The following PDE4D variants were observed in gnomAD, a reference collection of about 807,000 sequenced individuals.
PDE4D encodes 3',5'-cyclic-AMP phosphodiesterase 4D.
In PDE4D, 24 loss-of-function variants were observed where a neutral mutation model predicts 87.4. The observed-to-expected ratio is 0.27, with a 90% CI of 0.20 to 0.39. The LOEUF (loss-of-function observed/expected upper bound fraction) is 0.39. Ranked by LOEUF, PDE4D falls within the 10% of genes least tolerant of loss-of-function variation. The pLI, the probability that PDE4D is intolerant of heterozygous loss-of-function variation, is 1.00. For missense variants in PDE4D, 714 were observed against 1,041.0 expected (o/e 0.69, Z 4.32); for synonymous variants, 384 against 383.2 (o/e 1.00, Z -0.02).
intron 1 of PDE4D, among the ~76,000 whole-genome samples, chr5:59,581,792 G>C (rs1443607344): frequency 6.6e-6 from 1 of 151,840 alleles, no homozygotes; most frequent in Admixed American, 6.6e-5. Flanking sequence ...AAAAATTAAG[G>C]GGCATACAGC....
At chr5:59,215,666 A>C in intron 2 of PDE4D, 111 bp downstream of exon 2, 2 of 871,908 alleles carry the variant, frequency 2.3e-6, no homozygotes, top group Admixed American at 4.3e-5. Context: ...TATTCTTTCT[A>C]CATTGGAGGA....
At chr5:60,311,701 A>C (rs1755055589) in intron 1 of PDE4D, among the ~76,000 whole-genome samples, 1 of 152,186 alleles carries the variant, frequency 6.6e-6, no homozygotes, top group East Asian at 1.9e-4. Context: ...GACAGAATCA[A>C]CTCCACACAT....
chr5:59,067,827 A>AC (rs1561424365), intron 5 of PDE4D, among the ~76,000 whole-genome samples: 1 of 152,196 alleles, frequency 6.6e-6, no homozygotes, highest in African/African-American at 2.4e-5. Context: ...TTAAAAGAAA[A>AC]CAAAAAAGAA....
intron 1 of PDE4D, among the ~76,000 whole-genome samples, chr5:59,536,723 G>A (rs970078916): frequency 6.6e-6 from 1 of 151,884 alleles, no homozygotes; most frequent in Admixed American, 6.6e-5. Flanking sequence ...CTTTTGAAAA[G>A]ACTCTTTTTT....
At chr5:59,075,401 AT>A (rs949310836) in intron 5 of PDE4D, among the ~76,000 whole-genome samples, 1 of 152,042 alleles carries the variant, frequency 6.6e-6, no homozygotes, top group African/African-American at 2.4e-5. Context: ...TATCCTCCCA[AT>A]TGGAGATTCC....
In PDE4D at chr5:58,972,088, T is replaced by TA. The variant is rs1332030580; in HGVS notation, c.*2575_*2576insT. The TA allele has an allele frequency of 6.6e-6, 1 of 152,598 alleles. No homozygotes were observed. The highest frequency in any genetic ancestry group is 1.5e-5 in the Non-Finnish European group (1 of 68,030). The allele number at this position is 152,598 out of a possible 1,614,324, so 9.5% of individuals were successfully genotyped here. On this transcript the variant is annotated 3_prime_UTR_variant, in exon 15 of 15. Transcript: ENST00000340635. ...CAGGTCTGGATTTGTTAATGACATA[T>TA]TGCTGCTTTTTATTTTATTCATTAT...
intron 5 of PDE4D, chr5:59,039,460 T>C: frequency 9.1e-6 from 9 of 991,554 alleles, no homozygotes; most frequent in Non-Finnish European, 1.1e-5. Context: ...CCGAGCCTTC[T>C]GCACGGCACT....
intron 1 of PDE4D, among the ~76,000 whole-genome samples, chr5:60,278,351 T>G (rs1751573007): frequency 6.6e-6 from 1 of 152,144 alleles, no homozygotes; most frequent in African/African-American, 2.4e-5. Context: ...CTTTGTGTCT[T>G]TCATTTTTGA....
At chr5:59,967,923 A>G (rs1282028712) in intron 3 of PDE4D, among the ~76,000 whole-genome samples, 1 of 151,032 alleles carries the variant, frequency 6.6e-6, no homozygotes, top group East Asian at 2.0e-4. Flanking sequence ...ACCCCAAAAC[A>G]GAATAAAATC....
intron 1 of PDE4D, among the ~76,000 whole-genome samples, chr5:59,350,576 T>C (rs761328066): frequency 2.0e-5 from 3 of 152,176 alleles, no homozygotes; most frequent in Non-Finnish European, 2.9e-5. Context: ...GGTTCATTCA[T>C]TCAATACACA....
chr5:59,168,341 C>G (rs919832165), intron 5 of PDE4D, among the ~76,000 whole-genome samples: 3 of 152,182 alleles, frequency 2.0e-5, no homozygotes, highest in Admixed American at 2.0e-4. Flanking sequence ...AACGCTGAAG[C>G]ACTGCGTTAC....
chr5:59,266,638 C>T (rs998332275), intron 1 of PDE4D, among the ~76,000 whole-genome samples: 12 of 151,804 alleles, frequency 7.9e-5, no homozygotes, highest in Admixed American at 2.6e-4. Context: ...CTAGGGCTCA[C>T]GGTTGGAGGC....
chr5:59,514,684 A>C (rs905736459), intron 1 of PDE4D, among the ~76,000 whole-genome samples: 11 of 152,174 alleles, frequency 7.2e-5, no homozygotes, highest in African/African-American at 2.7e-4. Flanking sequence ...ACAGACAAAA[A>C]CCAACGAATT....
At chr5:59,222,895 C>A (rs1484956210) in intron 1 of PDE4D, among the ~76,000 whole-genome samples, 4 of 152,152 alleles carry the variant, frequency 2.6e-5, no homozygotes, top group Non-Finnish European at 4.4e-5. Context: ...CACCACATTG[C>A]CTGGCAGCTA....
intron 1 of PDE4D, among the ~76,000 whole-genome samples, chr5:59,876,310 T>C (rs1748600727): frequency 6.6e-6 from 1 of 152,158 alleles, no homozygotes; most frequent in Admixed American, 6.5e-5. Context: ...ATAATGATGA[T>C]GATAGTGATG....
chr5:60,454,787 T>G (rs1217570508), intron 1 of PDE4D, among the ~76,000 whole-genome samples: 2 of 152,128 alleles, frequency 1.3e-5, no homozygotes, highest in Non-Finnish European at 2.9e-5. Context: ...ATTCTGCACA[T>G]GTATCCCAGA....
chr5:59,298,113 C>CTT lies in PDE4D; in HGVS notation c.456-82147_456-82146dup, dbSNP rs759820053. 7.0e-4 allele frequency among the ~76,000 whole-genome samples: 79 copies of CTT among 112,990 alleles called. 3 individuals are homozygous for CTT. Among genetic ancestry groups the CTT allele is most frequent in the Non-Finnish European group, 7.9e-4 (44 of 55,928 alleles). 74.1% of individuals were successfully genotyped at this position (112,990 alleles called of 152,430 possible). A position where few individuals can be genotyped will look rare whatever the true frequency, so the allele number is the denominator to read the frequency against. On this transcript the variant is annotated intron_variant, in intron 1 of 14. Transcript: ENST00000340635. ...AGCCAACCCCAAGGCACAAGTGAAA[C>CTT]TTTTTTTTTTTTTTTTTTTTTGAGA...
At chr5:60,122,050 T>G (rs574936150) in intron 2 of PDE4D, among the ~76,000 whole-genome samples, 2 of 152,286 alleles carry the variant, frequency 1.3e-5, no homozygotes, top group South Asian at 4.1e-4. Flanking sequence ...AATGATCTCC[T>G]TTGACTCCAT....
intron 1 of PDE4D, among the ~76,000 whole-genome samples, chr5:60,416,522 C>G (rs1402412903): frequency 1.3e-5 from 2 of 152,104 alleles, no homozygotes; most frequent in Non-Finnish European, 2.9e-5. Context: ...GACTTAAGAG[C>G]TGTAACACTC....
Sources: gnomAD v4.1 joint callset for allele counts (sites outside exome capture counted in the v4.1 genomes callset) on GRCh38, gnomAD v4.1.1 for gene constraint, MANE v1.5 for transcripts, NCBI Gene and HGNC (gene_info 2026-07-23, HGNC 2026-07-21) for gene names.